Variants in PPME1 observed in about 807,000 individuals in gnomAD.
The protein encoded by PPME1 is protein phosphatase methylesterase 1.
A neutral mutation model predicts 56.9 loss-of-function variants in PPME1; 17 were observed. That is an observed-to-expected ratio of 0.30 (90% CI 0.20 to 0.45). The LOEUF is 0.45. Ranked by LOEUF, PPME1 falls within the 20% of genes least tolerant of loss-of-function variation. PPME1 has a pLI of 1.00. For missense variants in PPME1, 357 were observed against 483.2 expected (o/e 0.74, Z 2.45); for synonymous variants, 122 against 156.2 (o/e 0.78, Z 1.63).
At chr11:74,208,634 G>A (rs763527470) in intron 3 of PPME1, among the ~76,000 whole-genome samples, 1 of 152,224 alleles carries the variant, frequency 6.6e-6, no homozygotes, top group Non-Finnish European at 1.5e-5. Context: ...TAGAGTGGTT[G>A]TGAAAATTCA....
At chr11:74,247,191 C>A in intron 11 of PPME1, 68 bp downstream of exon 11, 1 of 1,373,580 alleles carries the variant, frequency 7.3e-7, no homozygotes, top group Non-Finnish European at 1.0e-6. Context: ...AGTTAACATC[C>A]TGAGATAGTG....
chr11:74,181,030 C>CTTTTTTTT (rs1005872237), intron 1 of PPME1, among the ~76,000 whole-genome samples: 16 of 96,152 alleles, frequency 1.7e-4, no homozygotes, highest in East Asian at 2.8e-4. Context: ...ATTTTCTTCA[C>CTTTTTTTT]TTTTTTTTTT....
At chr11:74,244,939 C>T (rs1259641307) in intron 9 of PPME1, among the ~76,000 whole-genome samples, 1 of 152,166 alleles carries the variant, frequency 6.6e-6, no homozygotes, top group East Asian at 1.9e-4. Flanking sequence ...TATCCCAGTA[C>T]TGTTTGTTGA....
chr11:74,209,222 T>G (rs1037425503), intron 3 of PPME1, among the ~76,000 whole-genome samples: 1 of 152,146 alleles, frequency 6.6e-6, no homozygotes, highest in Non-Finnish European at 1.5e-5. Flanking sequence ...TCTTCCCACT[T>G]CAGCCTCCTG....
intron 1 of PPME1, among the ~76,000 whole-genome samples, chr11:74,185,245 A>G (rs1227076135): frequency 1.3e-5 from 2 of 151,828 alleles, no homozygotes; most frequent in Admixed American, 1.3e-4. Flanking sequence ...TGATCCACCC[A>G]CCTTGGCCTC....
At chr11:74,237,501 T>A (rs1859224344) in intron 8 of PPME1, among the ~76,000 whole-genome samples, 1 of 151,958 alleles carries the variant, frequency 6.6e-6, no homozygotes, top group African/African-American at 2.4e-5. Context: ...GGTCTCTATC[T>A]CCTGACCTCA....
chr11:74,253,643 C>T lies in PPME1; in HGVS notation c.*133C>T, dbSNP rs902729002. On this transcript the variant is annotated 3_prime_UTR_variant, in exon 14 of 14. Transcript: ENST00000328257. Reference sequence around the variant, plus strand: ...ACTGGCTCCCGGTAGACGGGCACCCCGAGATGTACCAACCTTTTCATGTAT... The same window carrying T: ...ACTGGCTCCCGGTAGACGGGCACCCTGAGATGTACCAACCTTTTCATGTAT... 29 of 978,254 alleles carry T rather than the reference C, an allele frequency of 3.0e-5. No individual in the cohort carries two copies. The highest frequency in any genetic ancestry group is 3.4e-5 in the Non-Finnish European group (21 of 618,774). The allele number at this position is 978,254 out of a possible 1,614,324, so 60.6% of individuals were successfully genotyped here.
chr11:74,179,156 CTT>C (rs889131358), intron 1 of PPME1, among the ~76,000 whole-genome samples: 48 of 152,282 alleles, frequency 3.2e-4, no homozygotes, highest in Middle Eastern at 3.4e-3. Flanking sequence ...TGGCCATAGA[CTT>C]TTTCCAGGTT....
intron 1 of PPME1, among the ~76,000 whole-genome samples, chr11:74,182,594 A>C (rs1407250882): frequency 1.3e-5 from 2 of 152,134 alleles, no homozygotes; most frequent in African/African-American, 2.4e-5. Context: ...TCCTGACCTC[A>C]AGAGATCTGC....
intron 1 of PPME1, among the ~76,000 whole-genome samples, chr11:74,194,180 C>CT (rs1857918829): frequency 6.6e-6 from 1 of 151,840 alleles, no homozygotes; most frequent in South Asian, 2.1e-4. Flanking sequence ...TAAGACAGGC[C>CT]TTTTTTTATT....
chr11:74,205,919 A>G (rs1288377828), intron 3 of PPME1: 1 of 152,204 alleles, frequency 6.6e-6, no homozygotes, highest in African/African-American at 2.4e-5. Context: ...GAAACAATAA[A>G]TTAATTTTAA....
chr11:74,230,893 G>A lies in PPME1; in HGVS notation c.554-19G>A. 1.9e-6 allele frequency: 3 copies of A among 1,560,290 alleles called. No homozygotes were observed. The highest frequency in any genetic ancestry group is 2.6e-6 in the Non-Finnish European group (3 of 1,143,024). On this transcript the variant is annotated intron_variant, in intron 6 of 13. Coordinates refer to ENST00000328257, the MANE Select transcript of PPME1 (RefSeq NM_016147.3). The surrounding 1 kb of genome is among the most constrained non-coding windows in gnomAD (Gnocchi z 4.9). Reference sequence around the variant, plus strand: ...AGAATAAGTTAAATATGTGGTTACAGTTTTTGTTTAACATCCAGGTACAGC... The same window carrying A: ...AGAATAAGTTAAATATGTGGTTACAATTTTTGTTTAACATCCAGGTACAGC...
chr11:74,251,855 G>A (rs773184323), intron 13 of PPME1, 140 bp downstream of exon 13: 3 of 1,049,122 alleles, frequency 2.9e-6, no homozygotes, highest in Non-Finnish European at 4.5e-6. Context: ...TCAGTGAAGA[G>A]CCTGGCATGT....
Position 74,225,279 on chromosome 11 carries a change from T to G in PPME1, c.398+23T>G, listed in dbSNP as rs534575613. On this transcript the variant is annotated intron_variant, in intron 5 of 13. Transcript: ENST00000328257. Reference sequence around the variant, plus strand: ...AAAGTAAGTAACCAAATATTTCTTATACATTGCCTGTCTCCCATCACTATT... The same window carrying G: ...AAAGTAAGTAACCAAATATTTCTTAGACATTGCCTGTCTCCCATCACTATT... 58 of 1,492,622 alleles carry G rather than the reference T, an allele frequency of 3.9e-5. No individual in the cohort carries two copies. The South Asian group carries it at 6.7e-4, about 17-fold the overall frequency. 92.5% of individuals were successfully genotyped at this position (1,492,622 alleles called of 1,614,324 possible).
intron 1 of PPME1, among the ~76,000 whole-genome samples, chr11:74,184,833 A>G (rs769217232): frequency 1.8e-4 from 27 of 152,162 alleles, no homozygotes; most frequent in Non-Finnish European, 3.5e-4. Context: ...CCTAGTGCCT[A>G]GGAAGTATAT....
At chr11:74,243,615 A>C (rs1231022128) in intron 9 of PPME1, 1 of 152,118 alleles carries the variant, frequency 6.6e-6, no homozygotes, top group Non-Finnish European at 1.5e-5. Context: ...TTTAGTGAGA[A>C]TATTTGAATC....
At chr11:74,219,013 A>G (rs950916620) in intron 3 of PPME1, among the ~76,000 whole-genome samples, 9 of 152,202 alleles carry the variant, frequency 5.9e-5, no homozygotes, top group African/African-American at 2.2e-4. Context: ...ACCAGAATAT[A>G]TAAGGAGCTC....
intron 5 of PPME1, among the ~76,000 whole-genome samples, chr11:74,227,287 G>A (rs61132076): frequency 6.6e-6 from 1 of 152,044 alleles, no homozygotes; most frequent in African/African-American, 2.4e-5. Context: ...TTTTTGTAGA[G>A]TAGGCAATGA....
intron 3 of PPME1, among the ~76,000 whole-genome samples, chr11:74,219,184 G>A (rs975371979): frequency 6.6e-6 from 1 of 151,780 alleles, no homozygotes; most frequent in African/African-American, 2.4e-5. Context: ...CTATAATGAG[G>A]TATCATCTCA....
Sources: allele counts gnomAD v4.1 joint callset (sites outside exome capture counted in the v4.1 genomes callset), GRCh38; gene constraint gnomAD v4.1.1; non-coding constraint Gnocchi (gnomAD v3.1); transcripts MANE v1.5; gene names NCBI Gene and HGNC (gene_info 2026-07-23, HGNC 2026-07-21).